The following PARD3 variants were observed in gnomAD, a reference collection of about 807,000 sequenced individuals.
PARD3 encodes partitioning defective 3 homolog.
A neutral mutation model predicts 155.4 loss-of-function variants in PARD3; 75 were observed. That is an observed-to-expected ratio of 0.48 (90% CI 0.40 to 0.58). PARD3 has a LOEUF of 0.58. PARD3 is among the 20% of genes least tolerant of loss of function. The probability of loss-of-function intolerance (pLI) is 0.00; values close to 1 mark genes in which losing one functional copy is unlikely to be tolerated. For missense variants in PARD3, 1,642 were observed against 1,721.7 expected (o/e 0.95, Z 0.82); for synonymous variants, 576 against 610.5 (o/e 0.94, Z 0.83).
chr10:34,572,289 T>C (rs2086477018), intron 2 of PARD3, among the ~76,000 whole-genome samples: 1 of 152,018 alleles, frequency 6.6e-6, no homozygotes, highest in East Asian at 1.9e-4. Flanking sequence ...GGGGGATCAC[T>C]TCAGCTTAGG....
intron 5 of PARD3, among the ~76,000 whole-genome samples, chr10:34,417,454 A>G (rs930255041): frequency 6.6e-6 from 1 of 152,016 alleles, no homozygotes; most frequent in African/African-American, 2.4e-5. Context: ...TATCCCCTTC[A>G]CCTATGAACC....
At chr10:34,562,162 G>T (rs965583243) in intron 2 of PARD3, among the ~76,000 whole-genome samples, 10 of 146,384 alleles carry the variant, frequency 6.8e-5, no homozygotes, top group Non-Finnish European at 1.0e-4. Flanking sequence ...AGGCTTGTTG[G>T]GGGGTGGCTC....
chr10:34,512,568 A>T (rs143262232), intron 3 of PARD3, among the ~76,000 whole-genome samples: 155 of 152,270 alleles, frequency 1.0e-3, no homozygotes, highest in African/African-American at 3.6e-3. Flanking sequence ...GATCCCCTCA[A>T]ATGAAAAATG....
intron 3 of PARD3, among the ~76,000 whole-genome samples, chr10:34,516,530 C>T (rs2081776199): frequency 6.6e-6 from 1 of 152,158 alleles, no homozygotes; most frequent in Non-Finnish European, 1.5e-5. Context: ...TCTCCCAAAT[C>T]CCTGAAGATA....
intron 22 of PARD3, among the ~76,000 whole-genome samples, chr10:34,242,773 A>G (rs1953690444): frequency 6.6e-6 from 1 of 152,138 alleles, no homozygotes; most frequent in African/African-American, 2.4e-5. Flanking sequence ...GCCTCTACTA[A>G]AAATACAAAA....
At chr10:34,231,984 T>A (rs1159049868) in intron 22 of PARD3, among the ~76,000 whole-genome samples, 2 of 152,092 alleles carry the variant, frequency 1.3e-5, no homozygotes, top group Non-Finnish European at 2.9e-5. Context: ...AGAGATAACT[T>A]ACATACCAAG....
intron 5 of PARD3, among the ~76,000 whole-genome samples, chr10:34,433,151 C>A (rs2076031235): frequency 6.6e-6 from 1 of 152,164 alleles, no homozygotes; most frequent in Admixed American, 6.5e-5. Context: ...CAGGATTCTA[C>A]CTTTTATTAA....
At chr10:34,725,105 TTGTGTGTG>T (rs71033342) in intron 1 of PARD3, among the ~76,000 whole-genome samples, 6,615 of 135,826 alleles carry the variant, frequency 0.049, 181 homozygotes, top group Middle Eastern at 0.12. Context: ...AGTCAAAACT[TTGTGTGTG>T]TGTGTGTGTG....
At chr10:34,742,895 C>G (rs2095044551) in intron 1 of PARD3, among the ~76,000 whole-genome samples, 1 of 152,174 alleles carries the variant, frequency 6.6e-6, no homozygotes, top group Non-Finnish European at 1.5e-5. Context: ...ACCCTATGTT[C>G]CTACCACAGG....
chr10:34,145,223 T>TTTTTTTTTTTTTTTTTTA (rs1948443659), intron 22 of PARD3, among the ~76,000 whole-genome samples: 1 of 61,758 alleles, frequency 1.6e-5, no homozygotes, highest in African/African-American at 1.1e-4. Context: ...ATATATATAT[T>TTTTTTTTTTTTTTTTTTA]TTTTTTTTTT....
intron 22 of PARD3, among the ~76,000 whole-genome samples, chr10:34,212,477 A>C (rs1471849318): frequency 6.6e-6 from 1 of 152,240 alleles, no homozygotes; most frequent in Non-Finnish European, 1.5e-5. Context: ...ATCATTCAAA[A>C]GTCTGAATAC....
At chr10:34,365,692 A>T (rs1839899337) in intron 12 of PARD3, among the ~76,000 whole-genome samples, 1 of 152,188 alleles carries the variant, frequency 6.6e-6, no homozygotes, top group South Asian at 2.1e-4. Context: ...GGTTCAAGCA[A>T]TTGTCCTGCC....
intron 1 of PARD3, among the ~76,000 whole-genome samples, chr10:34,725,614 C>A (rs1273979229): frequency 6.6e-6 from 1 of 152,094 alleles, no homozygotes; most frequent in Non-Finnish European, 1.5e-5. Context: ...TGGGGGGGCA[C>A]AATATCTAGT....
intron 2 of PARD3, among the ~76,000 whole-genome samples, chr10:34,688,993 A>C (rs1564510615): frequency 6.6e-6 from 1 of 152,214 alleles, no homozygotes; most frequent in African/African-American, 2.4e-5. Context: ...TAGCAGCAGG[A>C]GGGGGACTGT....
chr10:34,383,258 T>G (rs1346122502), intron 8 of PARD3, among the ~76,000 whole-genome samples: 1 of 152,200 alleles, frequency 6.6e-6, no homozygotes, highest in Non-Finnish European at 1.5e-5. Context: ...GAACATTCTC[T>G]CTACAACATT....
At chr10:34,590,993 C>A (rs1395425978) in intron 2 of PARD3, among the ~76,000 whole-genome samples, 1 of 152,168 alleles carries the variant, frequency 6.6e-6, no homozygotes, top group Admixed American at 6.5e-5. Context: ...GAAATGCCTC[C>A]TTCTGGCACA....
At chr10:34,769,780 AAACAAACG>A (rs1838603800) in intron 1 of PARD3, among the ~76,000 whole-genome samples, 5 of 96,040 alleles carry the variant, frequency 5.2e-5, no homozygotes, top group African/African-American at 1.9e-4. Flanking sequence ...ACAAACAAAC[AAACAAACG>A]AACAAAAAAA....
At chr10:34,737,213 G>A (rs10450314) in intron 1 of PARD3, among the ~76,000 whole-genome samples, 35,488 of 152,102 alleles carry the variant, frequency 0.23, 5,402 homozygotes, top group East Asian at 0.53. Context: ...GCAAATAGTC[G>A]GTGAGGTCAA....
chr10:34,711,793 C>A (rs1351402618), intron 1 of PARD3, among the ~76,000 whole-genome samples: 1 of 152,082 alleles, frequency 6.6e-6, no homozygotes. Context: ...TCCTAGCTGC[C>A]AAAAGAAATG....
Sources: gnomAD v4.1 joint callset for allele counts (sites outside exome capture counted in the v4.1 genomes callset) on GRCh38, gnomAD v4.1.1 for gene constraint, MANE v1.5 for transcripts, NCBI Gene and HGNC (gene_info 2026-07-23, HGNC 2026-07-21) for gene names.